Variants in PDE4D observed in about 807,000 individuals in gnomAD.
PDE4D encodes 3',5'-cyclic-AMP phosphodiesterase 4D.
Under a neutral mutation model 87.4 loss-of-function variants are expected in PDE4D, and 24 were observed. The ratio of observed to expected loss-of-function variants is 0.27; its 90% CI spans 0.20 to 0.39. The LOEUF is 0.39. PDE4D is among the 10% of genes least tolerant of loss of function. The pLI, the probability that PDE4D is intolerant of heterozygous loss-of-function variation, is 1.00. For synonymous variants in PDE4D, 384 were observed against 383.2 expected (o/e 1.00, Z -0.02); for missense variants, 714 against 1,041.0 (o/e 0.69, Z 4.32).
At chr5:60,317,361 A>ATTTGATTCT (rs1755724794) in intron 1 of PDE4D, among the ~76,000 whole-genome samples, 4 of 151,996 alleles carry the variant, frequency 2.6e-5, no homozygotes, top group Admixed American at 1.3e-4. Context: ...TATTGCATCT[A>ATTTGATTCT]TTTGATTCTT....
chr5:60,340,995 A>G (rs1758265642), intron 1 of PDE4D, among the ~76,000 whole-genome samples: 1 of 152,234 alleles, frequency 6.6e-6, no homozygotes, highest in Non-Finnish European at 1.5e-5. Context: ...TTATTATACA[A>G]CAAGTACACC....
intron 6 of PDE4D, among the ~76,000 whole-genome samples, chr5:59,013,007 A>C (rs969509512): frequency 3.9e-5 from 6 of 152,184 alleles, no homozygotes; most frequent in African/African-American, 1.4e-4. Flanking sequence ...ATTCAAAACC[A>C]CTCAACTACA....
intron 7 of PDE4D, 127 bp downstream of exon 7, chr5:58,993,245 A>C (rs944186655): frequency 2.6e-5 from 14 of 538,356 alleles, no homozygotes; most frequent in Admixed American, 1.5e-4. Context: ...TAATATGACG[A>C]ATGAAAACAA....
intron 1 of PDE4D, among the ~76,000 whole-genome samples, chr5:60,391,737 C>A (rs1041513116): frequency 7.2e-5 from 11 of 152,166 alleles, no homozygotes; most frequent in Non-Finnish European, 1.6e-4. Context: ...CATCCACAAT[C>A]TTAACTCTCC....
At chr5:60,081,409 A>G (rs1445633437) in intron 2 of PDE4D, among the ~76,000 whole-genome samples, 1 of 148,350 alleles carries the variant, frequency 6.7e-6, no homozygotes, top group Non-Finnish European at 1.5e-5. Flanking sequence ...CTCTGATCTT[A>G]GTTATTTCTT....
intron 1 of PDE4D, among the ~76,000 whole-genome samples, chr5:59,827,831 A>G (rs571187108): frequency 6.6e-6 from 1 of 152,256 alleles, no homozygotes; most frequent in African/African-American, 2.4e-5. Context: ...GAAAAATAAT[A>G]TCATAAAAGC....
chr5:59,449,598 T>C (rs1798845681), intron 1 of PDE4D, among the ~76,000 whole-genome samples: 4 of 152,192 alleles, frequency 2.6e-5, no homozygotes, highest in Admixed American at 2.0e-4. Flanking sequence ...GCTTCCTTCA[T>C]AGGACAGAGA....
chr5:59,172,160 T>C (rs1783050718), intron 5 of PDE4D, among the ~76,000 whole-genome samples: 1 of 102,782 alleles, frequency 9.7e-6, no homozygotes, highest in South Asian at 2.6e-4. Flanking sequence ...TATATATATT[T>C]ATATAATATA....
At chr5:60,337,388 T>TATATATATATATATACAC (rs66871903) in intron 1 of PDE4D, among the ~76,000 whole-genome samples, 30 of 89,442 alleles carry the variant, frequency 3.4e-4, no homozygotes, top group Non-Finnish European at 6.1e-4. Flanking sequence ...TATATATATA[T>TATATATATATATATACAC]ACACACACAC....
intron 1 of PDE4D, among the ~76,000 whole-genome samples, chr5:60,207,530 T>C (rs527485641): frequency 6.6e-6 from 1 of 152,338 alleles, no homozygotes; most frequent in African/African-American, 2.4e-5. Context: ...GATCATAACC[T>C]TCTCTCATAA....
chr5:59,409,903 T>G (rs1792353915), intron 1 of PDE4D, among the ~76,000 whole-genome samples: 3 of 152,178 alleles, frequency 2.0e-5, no homozygotes, highest in African/African-American at 7.2e-5. Flanking sequence ...TGAAGAAGAA[T>G]TCTTCTTGGT....
chr5:59,001,881 T>C (rs368584668), intron 6 of PDE4D, among the ~76,000 whole-genome samples: 1 of 152,240 alleles, frequency 6.6e-6, no homozygotes, highest in Non-Finnish European at 1.5e-5. Context: ...GACTCTTTCC[T>C]ACCATTCAAC....
rs1014809544 is a variant in PDE4D, at chr5:60,203,034, G to A, written c.-89-17347C>T. 5.7e-4 allele frequency among the ~76,000 whole-genome samples: 87 copies of A among 152,248 alleles called. 1 individual carries two copies. Among genetic ancestry groups the A allele is most frequent in the African/African-American group, 1.7e-3 (70 of 41,550 alleles). On this transcript the variant is annotated intron_variant, in intron 1 of 16. Transcript: ENST00000502484. ...GTTGCCCAGGCTGGAGTGCAGTGGC[G>A]CAATCTTGGCTCACCGCAACTTCTG...
intron 1 of PDE4D, among the ~76,000 whole-genome samples, chr5:60,503,784 T>C (rs953837221): frequency 8.5e-5 from 13 of 152,186 alleles, no homozygotes; most frequent in African/African-American, 3.1e-4. Flanking sequence ...TCTGTTAACT[T>C]TTTTTAAAAT....
intron 5 of PDE4D, among the ~76,000 whole-genome samples, chr5:59,144,613 C>T (rs1778345340): frequency 6.6e-6 from 1 of 152,128 alleles, no homozygotes; most frequent in Non-Finnish European, 1.5e-5. Flanking sequence ...GTTTCTTAAG[C>T]AAGTATTTGT....
At chr5:60,165,586 A>C (rs1306099913) in intron 2 of PDE4D, among the ~76,000 whole-genome samples, 1 of 151,664 alleles carries the variant, frequency 6.6e-6, no homozygotes, top group Non-Finnish European at 1.5e-5. Context: ...GAAACTGTAG[A>C]TCATTTGGGG....
intron 1 of PDE4D, among the ~76,000 whole-genome samples, chr5:59,672,529 A>C (rs1314680267): frequency 6.6e-6 from 1 of 152,210 alleles, no homozygotes; most frequent in Non-Finnish European, 1.5e-5. Flanking sequence ...TGATGCACGT[A>C]TTCTTAAAAT....
chr5:59,287,900 G>C (rs1221965864), intron 1 of PDE4D, among the ~76,000 whole-genome samples: 1 of 152,112 alleles, frequency 6.6e-6, no homozygotes, highest in Non-Finnish European at 1.5e-5. Flanking sequence ...ACTGGGCTTG[G>C]AGTGCTCCCT....
At chr5:59,646,001 G>A (rs1018318875) in intron 1 of PDE4D, among the ~76,000 whole-genome samples, 9 of 152,090 alleles carry the variant, frequency 5.9e-5, no homozygotes, top group Non-Finnish European at 8.8e-5. Context: ...GGCAATCAGA[G>A]AATAAGCAAC....
Sources: gnomAD v4.1 joint callset for allele counts (sites outside exome capture counted in the v4.1 genomes callset) on GRCh38, gnomAD v4.1.1 for gene constraint, MANE v1.5 for transcripts, NCBI Gene and HGNC (gene_info 2026-07-23, HGNC 2026-07-21) for gene names.